Variants in CADM2 observed in about 807,000 individuals in gnomAD.
CADM2 encodes immunoglobulin superfamily member 4D.
A neutral mutation model predicts 49.8 loss-of-function variants in CADM2; 12 were observed. That is an observed-to-expected ratio of 0.24 (90% CI 0.15 to 0.39). CADM2 has a LOEUF of 0.39. Ranked by LOEUF, CADM2 falls within the 10% of genes least tolerant of loss-of-function variation. CADM2 has a pLI of 1.00. For missense variants in CADM2, 378 were observed against 492.3 expected (o/e 0.77, Z 2.20); for synonymous variants, 214 against 175.4 (o/e 1.22, Z -1.74).
At chr3:85,812,316 C>G (rs1475473657) in intron 3 of CADM2, among the ~76,000 whole-genome samples, 1 of 151,946 alleles carries the variant, frequency 6.6e-6, no homozygotes, top group Non-Finnish European at 1.5e-5. Flanking sequence ...ATATTCATGA[C>G]TGAAAACAGG....
intron 1 of CADM2, among the ~76,000 whole-genome samples, chr3:85,381,894 T>C (rs2033929283): frequency 1.3e-5 from 2 of 152,012 alleles, no homozygotes; most frequent in Non-Finnish European, 2.9e-5. Context: ...CATGCCAGTA[T>C]GTCAGAAAGG....
intron 1 of CADM2, among the ~76,000 whole-genome samples, chr3:85,093,008 C>A (rs955026789): frequency 1.3e-5 from 2 of 152,080 alleles, no homozygotes; most frequent in African/African-American, 2.4e-5. Flanking sequence ...AACTTTTCTA[C>A]TTTCTGTAAT....
Position 86,073,142 on chromosome 3 carries a change from A to G in CADM2, c.*6359A>G, listed in dbSNP as rs750374046. 9.2e-5 allele frequency: 14 copies of G among 152,226 alleles called. No individual in the cohort carries two copies. The highest frequency in any genetic ancestry group is 1.6e-4 in the Non-Finnish European group (11 of 67,950). The allele number at this position is 152,226 out of a possible 1,614,324, so 9.4% of individuals were successfully genotyped here. A position where few individuals can be genotyped will look rare whatever the true frequency, so the allele number is the denominator to read the frequency against. On this transcript the variant is annotated 3_prime_UTR_variant, in exon 10 of 10. Coordinates refer to ENST00000383699, the MANE Select transcript of CADM2 (RefSeq NM_001167675.2). The stretch of plus-strand genomic sequence containing the variant: ...CTCCATTTTTATCATAAACATTTCA[A>G]CATAACCAACATTAGAACAAGTCTG...
intron 1 of CADM2, among the ~76,000 whole-genome samples, chr3:85,105,221 T>C (rs2038166339): frequency 6.6e-6 from 1 of 152,062 alleles, no homozygotes; most frequent in Non-Finnish European, 1.5e-5. Context: ...ATATGCAGAA[T>C]CTACAATGAA....
chr3:85,109,025 G>A (rs1176017554), intron 1 of CADM2, among the ~76,000 whole-genome samples: 1 of 151,990 alleles, frequency 6.6e-6, no homozygotes, highest in African/African-American at 2.4e-5. Flanking sequence ...TTGCTATTTT[G>A]TGTGGTTTTT....
At chr3:84,991,447 G>T (rs558154773) in intron 1 of CADM2, among the ~76,000 whole-genome samples, 3 of 152,172 alleles carry the variant, frequency 2.0e-5, no homozygotes, top group African/African-American at 7.2e-5. Context: ...AAGCTATTAT[G>T]CTCTCTACTA....
intron 1 of CADM2, among the ~76,000 whole-genome samples, chr3:85,201,576 T>G (rs1319780250): frequency 6.6e-6 from 1 of 152,152 alleles, no homozygotes; most frequent in Non-Finnish European, 1.5e-5. Flanking sequence ...CATTAATGAT[T>G]TCTTTGCAGT....
At chr3:85,567,110 A>C (rs13077660) in intron 1 of CADM2, among the ~76,000 whole-genome samples, 25,627 of 152,178 alleles carry the variant, frequency 0.17, 2,675 homozygotes, top group Non-Finnish European at 0.23. Flanking sequence ...TGTATCCTGC[A>C]GTTAATGACT....
intron 8 of CADM2, among the ~76,000 whole-genome samples, chr3:86,025,257 A>G (rs1486348270): frequency 1.3e-5 from 2 of 152,000 alleles, no homozygotes; most frequent in African/African-American, 2.4e-5. Flanking sequence ...GGGTTTCACC[A>G]TGTTGGCCAG....
At chr3:85,490,920 C>A (rs907426288) in intron 1 of CADM2, among the ~76,000 whole-genome samples, 7 of 151,150 alleles carry the variant, frequency 4.6e-5, no homozygotes, top group Non-Finnish European at 7.4e-5. Flanking sequence ...AGAAGAAAAC[C>A]ACTTACAGGC....
At chr3:85,504,260 G>T (rs1436695274) in intron 1 of CADM2, among the ~76,000 whole-genome samples, 1 of 152,026 alleles carries the variant, frequency 6.6e-6, no homozygotes, top group African/African-American at 2.4e-5. Context: ...GTCTGGAGTT[G>T]TTCCTTCCTC....
At chr3:85,890,470 C>T (rs950647350) in intron 5 of CADM2, among the ~76,000 whole-genome samples, 4 of 152,016 alleles carry the variant, frequency 2.6e-5, no homozygotes, top group Admixed American at 6.6e-5. Flanking sequence ...TGAAGAAAAG[C>T]TGGTAATTTG....
chr3:85,760,660 CA>C (rs781298040), intron 2 of CADM2, among the ~76,000 whole-genome samples: 6 of 152,228 alleles, frequency 3.9e-5, no homozygotes, highest in Middle Eastern at 3.4e-3. Flanking sequence ...AGAATTTACA[CA>C]AGGTAGCTGA....
At chr3:85,780,203 A>G (rs1048300174) in intron 2 of CADM2, among the ~76,000 whole-genome samples, 2 of 152,172 alleles carry the variant, frequency 1.3e-5, no homozygotes, top group African/African-American at 2.4e-5. Flanking sequence ...GGGTGTGACT[A>G]GTAGGCCGAC....
intron 1 of CADM2, among the ~76,000 whole-genome samples, chr3:85,158,181 T>A (rs2040200742): frequency 2.0e-5 from 3 of 152,086 alleles, no homozygotes; most frequent in Admixed American, 6.5e-5. Flanking sequence ...CATTAAAAAG[T>A]CAGGAAACAA....
chr3:85,530,911 C>A (rs1041126661), intron 1 of CADM2, among the ~76,000 whole-genome samples: 15 of 124,248 alleles, frequency 1.2e-4, no homozygotes, highest in African/African-American at 6.0e-4. Context: ...CACACACACA[C>A]ACAAAATTCA....
intron 1 of CADM2, among the ~76,000 whole-genome samples, chr3:85,640,593 C>A (rs149067878): frequency 6.6e-6 from 1 of 152,040 alleles, no homozygotes; most frequent in Non-Finnish European, 1.5e-5. Flanking sequence ...TTTGGTATGT[C>A]AGGAGCCAAG....
chr3:85,078,339 A>C (rs570451368), intron 1 of CADM2, among the ~76,000 whole-genome samples: 3 of 152,016 alleles, frequency 2.0e-5, no homozygotes, highest in Non-Finnish European at 4.4e-5. Context: ...ACATTAATAT[A>C]AATAAACTGT....
chr3:85,574,511 G>A (rs1375543777), intron 1 of CADM2, among the ~76,000 whole-genome samples: 1 of 152,138 alleles, frequency 6.6e-6, no homozygotes, highest in Non-Finnish European at 1.5e-5. Context: ...TTCCTGTTAT[G>A]TCTCTAGGGC....
Sources: gnomAD v4.1 joint callset for allele counts (sites outside exome capture counted in the v4.1 genomes callset) on GRCh38, gnomAD v4.1.1 for gene constraint, MANE v1.5 for transcripts, NCBI Gene and HGNC (gene_info 2026-07-23, HGNC 2026-07-21) for gene names.